The following CFI variants were observed in gnomAD, a reference collection of about 807,000 sequenced individuals.
The protein encoded by CFI is complement factor I.
Under a neutral mutation model 78.8 loss-of-function variants are expected in CFI, and 66 were observed. That is an observed-to-expected ratio of 0.84 (90% CI 0.69 to 1.03). The LOEUF is 1.03. Among genes scored for constraint, CFI ranks in the 50% least tolerant of loss-of-function variants. The pLI is 0.00. For synonymous variants in CFI, 250 were observed against 232.6 expected (o/e 1.07, Z -0.68); for missense variants, 706 against 704.5 (o/e 1.00, Z -0.02).
chr4:109,793,992 G>C (rs1048909610), intron 1 of CFI: 2 of 152,170 alleles, frequency 1.3e-5, no homozygotes, highest in Non-Finnish European at 2.9e-5. Context: ...ATTTTCATCT[G>C]CCCTCCATGG....
chr4:109,796,448 A>G (rs536426172), intron 1 of CFI, among the ~76,000 whole-genome samples: 2 of 152,338 alleles, frequency 1.3e-5, no homozygotes, highest in Non-Finnish European at 2.9e-5. Context: ...CAAAAACAAC[A>G]TACAAAAATC....
intron 1 of CFI, among the ~76,000 whole-genome samples, chr4:109,787,195 A>G (rs2125857203): frequency 6.6e-6 from 1 of 152,234 alleles, no homozygotes; most frequent in South Asian, 2.1e-4. Flanking sequence ...ATTTCCCTGG[A>G]AATCACTGAG....
At chr4:109,782,745 A>G (rs1048853733) in intron 1 of CFI, among the ~76,000 whole-genome samples, 1 of 152,288 alleles carries the variant, frequency 6.6e-6, no homozygotes, top group South Asian at 2.1e-4. Context: ...AAAAGAGCAA[A>G]TCTGGAAGCA....
chr4:109,760,423 G>A (rs1239528067), intron 5 of CFI, 43 bp from the exon 6 acceptor site: 23 of 1,514,992 alleles, frequency 1.5e-5, no homozygotes, highest in Non-Finnish European at 2.0e-5. Flanking sequence ...ATTCCTTAAA[G>A]TTGAATGAGG....
At chr4:109,739,403 G>C (rs1401434102), downstream of CFI, among the ~76,000 whole-genome samples, 5 of 152,160 alleles carry the variant, frequency 3.3e-5, no homozygotes, top group Non-Finnish European at 7.3e-5. Context: ...GTTGTAGTTG[G>C]AGGAGACAGT....
intron 1 of CFI, among the ~76,000 whole-genome samples, chr4:109,780,354 C>G (rs923628632): frequency 7.2e-5 from 11 of 152,296 alleles, no homozygotes; most frequent in African/African-American, 2.4e-4. Context: ...AGAGACACTT[C>G]TCAAAAGAAG....
intron 7 of CFI, among the ~76,000 whole-genome samples, chr4:109,754,451 T>A (rs1392136576): frequency 6.6e-6 from 1 of 151,346 alleles, no homozygotes; most frequent in African/African-American, 2.4e-5. Flanking sequence ...TTTTTTAGAT[T>A]TTTTTCTTGA....
rs1561298016 is a variant in CFI, at chr4:109,756,957, GAAAGAAAGAAAGA to G, written c.904+793_904+805del. On this transcript the variant is annotated intron_variant, in intron 7 of 12. Transcript: ENST00000394634. ...AGAAAGAAAGAAAGAAAGAAAGAAA[GAAAGAAAGAAAGA>G]AAGAAAGAAATTCTGAGGAGGATCA... Among the ~76,000 whole-genome samples, 32 of 132,950 alleles carry G rather than the reference GAAAGAAAGAAAGA, an allele frequency of 2.4e-4. No individual in the cohort carries two copies. In the South Asian group the frequency reaches 2.6e-3, roughly 11 times the overall value. 87.2% of individuals were successfully genotyped at this position (132,950 alleles called of 152,430 possible). A position where few individuals can be genotyped will look rare whatever the true frequency, so the allele number is the denominator to read the frequency against.
At chr4:109,766,476 AT>A (rs1333584507) in intron 2 of CFI, 77 bp downstream of exon 2, 14 of 1,531,856 alleles carry the variant, frequency 9.1e-6, no homozygotes, top group Non-Finnish European at 1.3e-5. Flanking sequence ...ACACAAGAGA[AT>A]TATTTTCTGA....
intron 7 of CFI, among the ~76,000 whole-genome samples, chr4:109,756,418 G>A (rs982921304): frequency 6.7e-6 from 1 of 148,954 alleles, no homozygotes; most frequent in Non-Finnish European, 1.5e-5. Flanking sequence ...GAAGAGAAAA[G>A]AGGAACAAGA....
At chr4:109,763,038 A>C (rs540981000) in intron 3 of CFI, among the ~76,000 whole-genome samples, 2 of 152,192 alleles carry the variant, frequency 1.3e-5, no homozygotes, top group Non-Finnish European at 2.9e-5. Context: ...ATGAACTACT[A>C]GCAGATGTGG....
chr4:109,783,091 G>A (rs1338411282), intron 1 of CFI, among the ~76,000 whole-genome samples: 1 of 152,028 alleles, frequency 6.6e-6, no homozygotes, highest in Non-Finnish European at 1.5e-5. Context: ...GATAACATTG[G>A]AAAAACCCTT....
At chr4:109,748,238 G>A (rs1724718327) in intron 10 of CFI, among the ~76,000 whole-genome samples, 1 of 152,136 alleles carries the variant, frequency 6.6e-6, no homozygotes. Flanking sequence ...AGGATCACAG[G>A]TTGTAAATAT....
chr4:109,783,339 C>T (rs1166064106), intron 1 of CFI, among the ~76,000 whole-genome samples: 1 of 151,718 alleles, frequency 6.6e-6, no homozygotes, highest in Non-Finnish European at 1.5e-5. Flanking sequence ...TAAGAAAAAA[C>T]AATCCCATCA....
At chr4:109,747,516 T>C (rs2126188275) in intron 10 of CFI, among the ~76,000 whole-genome samples, 1 of 152,316 alleles carries the variant, frequency 6.6e-6, no homozygotes, top group Admixed American at 6.5e-5. Flanking sequence ...CATCTTCTCA[T>C]GGAACAGTAT....
intron 1 of CFI, chr4:109,793,329 T>A (rs1255916401): frequency 6.6e-6 from 1 of 152,238 alleles, no homozygotes; most frequent in Non-Finnish European, 1.5e-5. Context: ...TAGAATCGTT[T>A]TATATAGTTG....
downstream of CFI, among the ~76,000 whole-genome samples, chr4:109,738,273 C>A (rs547489756): frequency 6.6e-6 from 1 of 152,136 alleles, no homozygotes; most frequent in Admixed American, 6.5e-5. Flanking sequence ...CACCACCACT[C>A]CCAGCTTTTT....
Position 109,749,622 on chromosome 4 carries a change from T to C in CFI, c.941-20A>G. ...TTCTTTCTTCAAGAAAGGAAGAGAT[T>C]ACATCATTATTATCTTGAACCCATT... On this transcript the variant is annotated intron_variant, in intron 8 of 12. Coordinates refer to ENST00000394634, the MANE Select transcript of CFI (RefSeq NM_000204.5). The C allele has an allele frequency of 6.8e-7, 1 of 1,462,792 alleles. No homozygotes were observed. Among genetic ancestry groups the C allele is most frequent in the East Asian group, 2.3e-5 (1 of 44,166 alleles). The allele number at this position is 1,462,792 out of a possible 1,614,324, so 90.6% of individuals were successfully genotyped here. A position where few individuals can be genotyped will look rare whatever the true frequency, so the allele number is the denominator to read the frequency against.
At chr4:109,735,594 G>C in the CFI span, among the ~76,000 whole-genome samples, 10 of 152,172 alleles carry the variant, frequency 6.6e-5, no homozygotes, top group African/African-American at 2.2e-4. Flanking sequence ...TAAAAGCCAC[G>C]TGGTGAAAAC....
Sources: allele counts gnomAD v4.1 joint callset (sites outside exome capture counted in the v4.1 genomes callset), GRCh38; gene constraint gnomAD v4.1.1; transcripts MANE v1.5; gene names NCBI Gene and HGNC (gene_info 2026-07-23, HGNC 2026-07-21).